PLEKHA4: variants seen among roughly 807,000 people sequenced by gnomAD.
PLEKHA4 encodes the protein pleckstrin homology domain containing A4, also known as pleckstrin homology domain-containing family A member 4.
PLEKHA4 carries 73 observed loss-of-function variants against 94.7 expected under a neutral mutation model. That is an observed-to-expected ratio of 0.77 (90% CI 0.64 to 0.94). The LOEUF (loss-of-function observed/expected upper bound fraction) is 0.94, where lower values mean the gene tolerates loss of function less well. Among genes scored for constraint, PLEKHA4 ranks in the 40% least tolerant of loss-of-function variants. The pLI is 0.00. For missense variants in PLEKHA4, 1,049 were observed against 1,054.1 expected, an observed-to-expected ratio of 1.00 and a Z score of 0.07; for synonymous variants, 449 against 437.1, an observed-to-expected ratio of 1.03 and a Z score of -0.34.
chr19:48,851,641 T>C (rs555996887), intron 13 of PLEKHA4, among the ~76,000 whole-genome samples: 11 of 149,302 alleles, frequency 7.4e-5, no homozygotes, highest in Non-Finnish European at 1.5e-4. Context: ...AAAAATGTTG[T>C]AAAATTATAG....
rs138833074 is a variant in PLEKHA4 at position 48,860,232 on chromosome 19, T to G, written c.476+118A>C. The G allele has an allele frequency of 1.2e-4, 97 of 833,244 alleles. No individual in the cohort carries two copies. The East Asian group carries it at 1.8e-3, about 16-fold the overall frequency. 51.6% of individuals were successfully genotyped at this position (833,244 alleles called of 1,614,324 possible). ...GGTGGGGCCTAGAAGACGAGGCGCC[T>G]TAGCTAGAAGACTGGTGATTGGACA... On this transcript the variant is annotated intron_variant, in intron 6 of 19. Coordinates refer to ENST00000263265, the MANE Select transcript of PLEKHA4 (RefSeq NM_020904.3).
At position 48,847,902 on chromosome 19, in the gene PLEKHA4, C is replaced by T; in HGVS notation, c.1564G>A (p.Glu522Lys). Residue 522 changes from glutamate to lysine, a missense_variant and splice_region_variant, in exon 14 of 20, where the codon GAG becomes AAG. Physicochemically the swap from Glu to Lys is moderately conservative, Grantham distance 56. Transcript: ENST00000263265. ...GGGAGGAATTATGTGCGTCTTACCT[C>T]CCTCTCTGAGGACTCCTCGCCCTGG... ...VLQGEESSER[E>K]SLPESLELSS... is the part of the protein sequence containing the mutation. The T allele has an allele frequency of 6.4e-7, 1 of 1,562,104 alleles. No homozygotes were observed. The highest frequency in any genetic ancestry group is 8.7e-7 in the Non-Finnish European group (1 of 1,154,662).
intron 13 of PLEKHA4, among the ~76,000 whole-genome samples, chr19:48,849,401 C>T (rs1025446819): frequency 5.9e-5 from 9 of 151,524 alleles, no homozygotes; most frequent in Non-Finnish European, 7.4e-5. Flanking sequence ...CTCCGCCTCC[C>T]GGGTTCAAGC....
rs1445591333 is a variant in PLEKHA4 at position 48,841,275 on chromosome 19, C to T, written c.1779G>A (p.Glu593=). The T allele has an allele frequency of 1.2e-6, 2 of 1,613,152 alleles. No homozygotes were observed. The highest frequency in any genetic ancestry group is 2.7e-5 in the African/African-American group (2 of 75,038). ...GGTTTCTGCGCATCCGCTCCAGCTGCTCCTGGGCACTCATCCGGGGCCGGG... is the reference window on the plus strand; with the variant it reads ...GGTTTCTGCGCATCCGCTCCAGCTGTTCCTGGGCACTCATCCGGGGCCGGG... ...PVARPRMSAQ[E]QLERMRRNQE... The change falls in exon 17 of 20, where the codon GAG becomes GAA. Residue 593 remains glutamate, a synonymous_variant. Coordinates refer to ENST00000263265, the MANE Select transcript of PLEKHA4 (RefSeq NM_020904.3).
At chr19:48,851,890 G>A (rs931863034) in intron 13 of PLEKHA4, among the ~76,000 whole-genome samples, 13 of 152,110 alleles carry the variant, frequency 8.5e-5, no homozygotes, top group Non-Finnish European at 1.8e-4. Flanking sequence ...GTTGCAGTGC[G>A]CCAAGATTGC....
intron 9 of PLEKHA4, 104 bp downstream of exon 9, chr19:48,857,318 A>C (rs1343817631): frequency 1.7e-6 from 1 of 598,572 alleles, no homozygotes; most frequent in Non-Finnish European, 3.0e-6. Flanking sequence ...TCTTTGAAAT[A>C]TCTACAGTTC....
intron 9 of PLEKHA4, among the ~76,000 whole-genome samples, chr19:48,856,995 C>T (rs17206693): frequency 1.1e-4 from 16 of 150,332 alleles, no homozygotes; most frequent in South Asian, 8.4e-4. Flanking sequence ...AGTTAAGTTA[C>T]GACGATGTCA....
chr19:48,841,104 A>T, intron 17 of PLEKHA4, 45 bp downstream of exon 17: 1 of 1,558,770 alleles, frequency 6.4e-7, no homozygotes, highest in Middle Eastern at 1.7e-4. Context: ...GGCGAAGAGG[A>T]CCTACTACCA....
chr19:48,840,260 C>T (rs2035709831), intron 17 of PLEKHA4, among the ~76,000 whole-genome samples: 1 of 151,758 alleles, frequency 6.6e-6, no homozygotes, highest in Non-Finnish European at 1.5e-5. Flanking sequence ...ACTAAAAATA[C>T]AAAAATTGGC....
intron 13 of PLEKHA4, among the ~76,000 whole-genome samples, chr19:48,848,796 CAAAA>C (rs34068951): frequency 9.3e-6 from 1 of 107,232 alleles, no homozygotes. Context: ...GACACTGTCT[CAAAA>C]AAAAAAAAAA....
rs768759605 is a variant in PLEKHA4, at chr19:48,841,261, A to G, written c.1793T>C (p.Met598Thr). The change falls in exon 17 of 20, where the codon ATG becomes ACG. Residue 598 changes from methionine (M) to threonine (T), a missense_variant. Transcript: ENST00000263265. ...RMSAQEQLER[M>T]RRNQECGRPF... Reference sequence around the variant, plus strand: ...CCGTCCACATTCCTGGTTTCTGCGCATCCGCTCCAGCTGCTCCTGGGCACT... The same window carrying G: ...CCGTCCACATTCCTGGTTTCTGCGCGTCCGCTCCAGCTGCTCCTGGGCACT... 1 of 1,613,586 alleles carries G rather than the reference A, an allele frequency of 6.2e-7. No individual in the cohort carries two copies. The highest frequency in any genetic ancestry group is 1.7e-5 in the Admixed American group (1 of 59,936).
chr19:48,854,362 C>A (rs930243301), intron 9 of PLEKHA4, 98 bp from the exon 10 acceptor site: 7 of 1,022,568 alleles, frequency 6.8e-6, no homozygotes, highest in Non-Finnish European at 1.1e-5. Flanking sequence ...ATAGGTACTG[C>A]ACTATTTATT....
chr19:48,860,817 AAG>A (rs201667763), intron 5 of PLEKHA4, among the ~76,000 whole-genome samples: 1,804 of 150,310 alleles, frequency 0.012, 19 homozygotes, highest in Non-Finnish European at 0.018. Context: ...GAGAGAAAGA[AAG>A]AGAGAAAGAG....
chr19:48,840,721 G>A (rs932940038), intron 17 of PLEKHA4, among the ~76,000 whole-genome samples: 100 of 152,102 alleles, frequency 6.6e-4, no homozygotes, highest in African/African-American at 2.1e-3. Context: ...CACCATGCCC[G>A]GCCGAAAAAG....
At position 48,861,451 on chromosome 19, in the gene PLEKHA4, T is replaced by C. The variant is rs1163260046; in HGVS notation, c.316A>G (p.Ile106Val). ...LGSVLLPSYNIRPDGPGAPRG... is the reference protein window; with the variant it reads ...LGSVLLPSYNVRPDGPGAPRG... Reference sequence around the variant, plus strand: ...GGGGCTCCCGGCCCATCTGGTCTAATATTGTAGCTGGGGAGCAGGACGCTG... The same window carrying C: ...GGGGCTCCCGGCCCATCTGGTCTAACATTGTAGCTGGGGAGCAGGACGCTG... Residue 106 changes from isoleucine to valine, a missense_variant, in exon 5 of 20, where the codon ATT becomes GTT. Coordinates refer to ENST00000263265, the MANE Select transcript of PLEKHA4 (RefSeq NM_020904.3). 1.2e-6 allele frequency: 2 copies of C among 1,613,934 alleles called. No homozygotes were observed. The highest frequency in any genetic ancestry group is 2.7e-5 in the African/African-American group (2 of 74,906).
At chr19:48,841,696 T>A (rs2035775467) in intron 16 of PLEKHA4, among the ~76,000 whole-genome samples, 1 of 151,636 alleles carries the variant, frequency 6.6e-6, no homozygotes, top group Non-Finnish European at 1.5e-5. Context: ...GGTGGGTGAC[T>A]GTAATCCCAG....
Position 48,858,985 on chromosome 19 carries a change from C to T in PLEKHA4, c.847G>A (p.Asp283Asn). ...AGGGTCTGGCGTTGGGGGCCCCAAT[C>T]CAGAGGAGGTCGGACATCAATGCGA... The part of the protein sequence containing the change: ...LSRIDVRPPL[D>N]WGPQRQTLSR... The change falls in exon 8 of 20, where the codon GAT becomes AAT. Residue 283 changes from aspartate to asparagine, a missense_variant. Coordinates refer to ENST00000263265, the MANE Select transcript of PLEKHA4 (RefSeq NM_020904.3). 6.3e-6 allele frequency: 10 copies of T among 1,584,592 alleles called. No individual in the cohort carries two copies. Among genetic ancestry groups the T allele is most frequent in the Non-Finnish European group, 8.5e-6 (10 of 1,170,272 alleles).
At chr19:48,858,394 G>C (rs980454251) in intron 8 of PLEKHA4, among the ~76,000 whole-genome samples, 10 of 152,020 alleles carry the variant, frequency 6.6e-5, no homozygotes, top group East Asian at 1.9e-4. Flanking sequence ...GGCTGAGATG[G>C]GCAGATCACC....
Position 48,837,534 on chromosome 19 carries a change from G to C in PLEKHA4, c.2095C>G (p.Gln699Glu). ...GGCACACCGGGAAGAGGGTCTCCCT[G>C]GGAGTCCAAATTTCCACCTGGAGAG... The part of the protein sequence containing the change: ...RMMTGGNLDS[Q>E]GDPLPGVPLP... The change falls in exon 20 of 20, where the codon CAG becomes GAG. Residue 699 changes from glutamine (Q) to glutamate (E), a missense_variant. Physicochemically the swap from Gln to Glu is conservative, Grantham distance 29 (BLOSUM62 2). Transcript: ENST00000263265. The surrounding 1 kb of genome is among the most constrained non-coding windows in gnomAD (Gnocchi z 4.3). The C allele has an allele frequency of 6.2e-7, 1 of 1,613,542 alleles. No individual in the cohort carries two copies. Among genetic ancestry groups the C allele is most frequent in the Non-Finnish European group, 8.5e-7 (1 of 1,179,812 alleles).
Sources: allele counts gnomAD v4.1 joint callset (sites outside exome capture counted in the v4.1 genomes callset), GRCh38; gene constraint gnomAD v4.1.1; non-coding constraint Gnocchi (gnomAD v3.1); transcripts MANE v1.5; gene names NCBI Gene and HGNC (gene_info 2026-07-23, HGNC 2026-07-21).